MYH13: variants seen among roughly 807,000 people sequenced by gnomAD.
MYH13 encodes the protein myosin heavy chain 13, also known as myosin-13.
A neutral mutation model predicts 232.1 loss-of-function variants in MYH13; 177 were observed. The observed-to-expected ratio is 0.76, with a 90% CI of 0.67 to 0.86. The LOEUF is 0.86. Among genes scored for constraint, MYH13 ranks in the 40% least tolerant of loss-of-function variants. The pLI is 0.00. For missense variants in MYH13, 2,246 were observed against 2,405.9 expected (o/e 0.93, Z 1.39); for synonymous variants, 884 against 923.5 (o/e 0.96, Z 0.78).
chr17:10,351,219 T>G (rs2071708104), intron 11 of MYH13, among the ~76,000 whole-genome samples: 1 of 20,202 alleles, frequency 4.9e-5, no homozygotes, highest in Admixed American at 5.5e-4. Flanking sequence ...AGACTCCATC[T>G]CAAAAAAAAA....
chr17:10,333,024 C>G, intron 19 of MYH13, 50 bp downstream of exon 19: 1 of 1,413,098 alleles, frequency 7.1e-7, no homozygotes, highest in South Asian at 1.2e-5. Context: ...TAGGGAAATG[C>G]AAAAGGTGCC....
rs757791680 is a variant in MYH13, at chr17:10,338,689, G to GT, written c.2056+1460dup. On this transcript the variant is annotated intron_variant, in intron 18 of 40. Transcript: ENST00000252172. ...AGATTAAAATGCCACTTTTATCCTT[G>GT]TTTTTTTTTTTTTTTTGTTTGTTTT... 3.4e-4 allele frequency among the ~76,000 whole-genome samples: 37 copies of GT among 108,790 alleles called. 1 individual carries two copies. The East Asian group carries it at 6.2e-3, about 18-fold the overall frequency. 71.4% of individuals were successfully genotyped at this position (108,790 alleles called of 152,430 possible). A position where few individuals can be genotyped will look rare whatever the true frequency, so the allele number is the denominator to read the frequency against.
At chr17:10,303,728 GAT>G (rs1243215715) in intron 37 of MYH13, among the ~76,000 whole-genome samples, 2 of 152,150 alleles carry the variant, frequency 1.3e-5, no homozygotes, top group African/African-American at 4.8e-5. Flanking sequence ...ATTCCTCAAG[GAT>G]GTAGAACTAG....
rs2071611601 is a variant in MYH13 at position 10,340,352 on chromosome 17, GA to G, written c.1943del (p.Phe648SerfsTer12). The part of the protein sequence containing the change: ...KKGGKKKGSS[F>X]QTVSAVFREN... ...CCCTGAACACGGCCGACACGGTCTG[GA>G]AAGAGGAGCCCTTCTTCTTCCCGCC... is the stretch of plus-strand genomic sequence containing the variant. On this transcript the variant is annotated frameshift_variant, in exon 17 of 41. Coordinates refer to ENST00000252172, the MANE Select transcript of MYH13 (RefSeq NM_003802.3). LOFTEE classifies it high-confidence loss of function. The G allele has an allele frequency of 6.2e-7, 1 of 1,613,846 alleles. No individual in the cohort carries two copies. The highest frequency in any genetic ancestry group is 8.5e-7 in the Non-Finnish European group (1 of 1,179,886).
intron 35 of MYH13, among the ~76,000 whole-genome samples, chr17:10,308,467 T>G (rs1313522963): frequency 6.0e-5 from 2 of 33,426 alleles, no homozygotes; most frequent in African/African-American, 3.3e-4. Context: ...TTTTTTTTTG[T>G]AGAGACAAGG....
At chr17:10,321,847 C>T in intron 23 of MYH13, 139 bp from the exon 24 acceptor site, 1 of 687,652 alleles carries the variant, frequency 1.5e-6, no homozygotes, top group Non-Finnish European at 2.4e-6. Flanking sequence ...CTAGAATTGA[C>T]AGACTCTCAG....
chr17:10,301,641 G>A lies in MYH13; in HGVS notation c.5730C>T (p.Ala1910=), dbSNP rs745705315. The A allele has an allele frequency of 1.2e-5, 19 of 1,614,118 alleles. No homozygotes were observed. Among genetic ancestry groups the A allele is most frequent in the South Asian group, 8.8e-5 (8 of 91,084 alleles). Residue 1910 remains alanine (A), a synonymous_variant, in exon 40 of 41, where the codon GCC becomes GCT. Coordinates refer to ENST00000252172, the MANE Select transcript of MYH13 (RefSeq NM_003802.3). ...CRRVQHELEE[A]AERADIAESQ... ...ACTCAGCGATGTCCGCCCTCTCCGC[G>A]GCCTCCTCTAGCTCATGCTGGACTC...
chr17:10,304,088 A>C lies in MYH13; in HGVS notation c.5467-590T>G, dbSNP rs150319309. On this transcript the variant is annotated intron_variant, in intron 37 of 40. Transcript: ENST00000252172. This position sits in a 1 kb window ranked among gnomAD's most constrained non-coding sequence, Gnocchi z 5.3. ...ACAATGAGAACACATGGTCACAGTA[A>C]AGGGAAGATCATACACTGGGACCTG... Among the ~76,000 whole-genome samples, 261 of 152,304 alleles carry C rather than the reference A, an allele frequency of 1.7e-3. 4 individuals carry two copies. The East Asian group carries it at 0.03, about 17-fold the overall frequency.
chr17:10,354,620 C>T (rs76824548), intron 11 of MYH13, 60 bp downstream of exon 11: 52,803 of 1,471,820 alleles, frequency 0.036, 1,188 homozygotes, highest in Non-Finnish European at 0.043. Flanking sequence ...ACTAACGTGT[C>T]TCTCAGTTCA....
intron 16 of MYH13, among the ~76,000 whole-genome samples, chr17:10,342,946 C>T (rs542331414): frequency 1.2e-4 from 18 of 151,994 alleles, no homozygotes; most frequent in East Asian, 2.0e-4. Flanking sequence ...AAAAATTAGC[C>T]GGGCGTGGTG....
intron 2 of MYH13, among the ~76,000 whole-genome samples, chr17:10,369,940 A>G (rs1387700284): frequency 1.3e-5 from 2 of 152,210 alleles, no homozygotes; most frequent in Admixed American, 1.3e-4. Context: ...CCTACGTGAC[A>G]ACTCTTCACC....
Position 10,315,748 on chromosome 17 carries a change from T to C in MYH13, c.3929A>G (p.Gln1310Arg). 6.2e-7 allele frequency: 1 copy of C among 1,614,052 alleles called. No individual in the cohort carries two copies. Among genetic ancestry groups the C allele is most frequent in the South Asian group, 1.1e-5 (1 of 91,088 alleles). ...CTCCTCCAGCTGCTGGGTGAGGGCC[T>C]GCTTGCTTTTGGTCAGCTGTGAAAT... is the stretch of plus-strand genomic sequence containing the variant. ...SLISQLTKSK[Q>R]ALTQQLEELK... Residue 1310 changes from glutamine to arginine, a missense_variant, in exon 29 of 41, where the codon CAG (glutamine) becomes CGG (arginine). Gln to Arg is a conservative substitution (Grantham distance 43). Transcript: ENST00000252172.
At chr17:10,336,808 G>T (rs940892797) in intron 18 of MYH13, among the ~76,000 whole-genome samples, 13 of 152,132 alleles carry the variant, frequency 8.5e-5, no homozygotes, top group Admixed American at 5.9e-4. Context: ...CCATGGGAAT[G>T]ACCCTCGAGG....
chr17:10,314,262 A>G (rs1906624100), intron 29 of MYH13, among the ~76,000 whole-genome samples: 2 of 152,152 alleles, frequency 1.3e-5, no homozygotes, highest in Non-Finnish European at 2.9e-5. Context: ...ACTACTAAAA[A>G]TACAAAACCG....
chr17:10,369,213 T>C (rs141757859), intron 2 of MYH13, among the ~76,000 whole-genome samples: 284 of 152,358 alleles, frequency 1.9e-3, no homozygotes, highest in African/African-American at 6.7e-3. Flanking sequence ...GATTGTAATA[T>C]GCATCCTCAT....
At chr17:10,338,774 C>T (rs1458352744) in intron 18 of MYH13, among the ~76,000 whole-genome samples, 1 of 149,896 alleles carries the variant, frequency 6.7e-6, no homozygotes, top group East Asian at 2.0e-4. Context: ...GATCTCGGCT[C>T]ACTGCAAGCT....
chr17:10,361,638 G>C (rs1227095658), intron 5 of MYH13, among the ~76,000 whole-genome samples: 1 of 152,182 alleles, frequency 6.6e-6, no homozygotes, highest in African/African-American at 2.4e-5. Context: ...TCAGGTGAAG[G>C]TTGAACAGAC....
chr17:10,320,125 A>G (rs1906879025), intron 26 of MYH13, 28 bp downstream of exon 26: 1 of 1,532,986 alleles, frequency 6.5e-7, no homozygotes, highest in Non-Finnish European at 8.9e-7. Context: ...AGGGATTGTC[A>G]TGATTGGGAA....
At position 10,309,280 on chromosome 17, in the gene MYH13, T is replaced by C. The variant is rs772467798; in HGVS notation, c.5123A>G (p.Gln1708Arg). ...QTERTRRLSE[Q>R]ELLDASDRVQ... is the part of the protein sequence containing the mutation. ...GCGGTCGCTGGCGTCCAGCAGCTCC[T>C]GCTCTGACAGCCTGCGGGTCCGCTC... Residue 1708 changes from glutamine to arginine, a missense_variant, in exon 35 of 41, where the codon CAG becomes CGG. Physicochemically the swap from Gln to Arg is conservative, Grantham distance 43 (BLOSUM62 1). Coordinates refer to ENST00000252172, the MANE Select transcript of MYH13 (RefSeq NM_003802.3). 1.9e-6 allele frequency: 3 copies of C among 1,613,862 alleles called. No individual in the cohort carries two copies. Among genetic ancestry groups the C allele is most frequent in the South Asian group, 2.2e-5 (2 of 91,088 alleles).
Sources: gnomAD v4.1 joint callset for allele counts (sites outside exome capture counted in the v4.1 genomes callset) on GRCh38, gnomAD v4.1.1 for gene constraint, Gnocchi (gnomAD v3.1) non-coding constraint, MANE v1.5 for transcripts, NCBI Gene and HGNC (gene_info 2026-07-23, HGNC 2026-07-21) for gene names.